Variants in NRG3 observed in about 807,000 individuals in gnomAD.
NRG3 encodes pro-neuregulin-3, membrane-bound isoform.
In NRG3, 31 loss-of-function variants were observed where a neutral mutation model predicts 66.9. The observed-to-expected ratio is 0.46, with a 90% CI of 0.35 to 0.63. The LOEUF (loss-of-function observed/expected upper bound fraction) is 0.63, where lower values mean the gene tolerates loss of function less well. Among genes scored for constraint, NRG3 ranks in the 20% least tolerant of loss-of-function variants. NRG3 has a pLI of 0.00. For missense variants in NRG3, 910 were observed against 878.9 expected (o/e 1.04, Z -0.45); for synonymous variants, 393 against 359.4 (o/e 1.09, Z -1.06).
intron 3 of NRG3, among the ~76,000 whole-genome samples, chr10:82,767,693 C>G (rs1161552556): frequency 6.6e-6 from 1 of 151,898 alleles, no homozygotes; most frequent in African/African-American, 2.4e-5. Flanking sequence ...TTCATATATT[C>G]CTAGTCTTTT....
At chr10:82,111,239 T>A (rs375542246) in intron 1 of NRG3, among the ~76,000 whole-genome samples, 1 of 152,190 alleles carries the variant, frequency 6.6e-6, no homozygotes, top group African/African-American at 2.4e-5. Flanking sequence ...TTCTTGAACA[T>A]CTTATCACTT....
chr10:82,273,983 A>T (rs750675929), intron 1 of NRG3, among the ~76,000 whole-genome samples: 2 of 151,940 alleles, frequency 1.3e-5, no homozygotes, highest in African/African-American at 4.8e-5. Context: ...CTATGCTTCT[A>T]TTTGGAAGAG....
At chr10:82,823,379 G>A (rs2062038388) in intron 3 of NRG3, among the ~76,000 whole-genome samples, 1 of 152,148 alleles carries the variant, frequency 6.6e-6, no homozygotes, top group Non-Finnish European at 1.5e-5. Flanking sequence ...CCAGGATATG[G>A]GATTCTGAAG....
At position 82,264,432 on chromosome 10, in the gene NRG3, TTATC is replaced by T. The variant is rs559070174; in HGVS notation, c.824-94305_824-94302del. Among the ~76,000 whole-genome samples, 12 of 149,870 alleles carry T rather than the reference TTATC, an allele frequency of 8.0e-5. No homozygotes were observed. The East Asian group carries it at 2.4e-3, about 31-fold the overall frequency. ...CCCACTCCCGCCCCGCCCGATTCAA[TTATC>T]TCCACCCGGTCCTGCCCTTGACACA... On this transcript the variant is annotated intron_variant, in intron 1 of 8. Transcript: ENST00000372141.
chr10:82,638,381 A>G (rs562274259), intron 2 of NRG3, among the ~76,000 whole-genome samples: 1 of 152,142 alleles, frequency 6.6e-6, no homozygotes. Flanking sequence ...AAATGTAAAT[A>G]CTCATGAAAA....
intron 1 of NRG3, among the ~76,000 whole-genome samples, chr10:81,956,154 C>A (rs932631735): frequency 6.6e-6 from 1 of 152,124 alleles, no homozygotes; most frequent in African/African-American, 2.4e-5. Context: ...TGACTGTCCC[C>A]ACCAATAGAA....
intron 2 of NRG3, among the ~76,000 whole-genome samples, chr10:82,550,035 G>T (rs759485135): frequency 6.6e-6 from 1 of 152,054 alleles, no homozygotes; most frequent in Non-Finnish European, 1.5e-5. Context: ...CTCATCTAAA[G>T]AAATTTCCCA....
intron 1 of NRG3, among the ~76,000 whole-genome samples, chr10:82,071,508 G>A (rs1196848146): frequency 6.6e-6 from 1 of 152,120 alleles, no homozygotes; most frequent in East Asian, 1.9e-4. Context: ...AAGCCTTGAG[G>A]GGAGAGCATG....
intron 1 of NRG3, among the ~76,000 whole-genome samples, chr10:82,120,445 T>C (rs1360345022): frequency 6.6e-6 from 1 of 152,190 alleles, no homozygotes; most frequent in African/African-American, 2.4e-5. Context: ...AGTTCAGAGA[T>C]AGCTGACTAA....
At chr10:82,244,661 C>T (rs991922695) in intron 1 of NRG3, among the ~76,000 whole-genome samples, 3 of 151,822 alleles carry the variant, frequency 2.0e-5, no homozygotes, top group Admixed American at 1.3e-4. Context: ...TTGTGGGTAA[C>T]AATTTTTTCA....
chr10:82,776,626 AT>A (rs928316541), intron 3 of NRG3, among the ~76,000 whole-genome samples: 8 of 148,126 alleles, frequency 5.4e-5, no homozygotes, highest in East Asian at 2.0e-4. Flanking sequence ...ACTCTTTTTC[AT>A]TTTTTTTCTC....
intron 1 of NRG3, among the ~76,000 whole-genome samples, chr10:82,349,440 G>C (rs1388974306): frequency 2.2e-4 from 33 of 150,714 alleles, no homozygotes; most frequent in African/African-American, 4.4e-4. Flanking sequence ...CTCCAGCTGC[G>C]TACTGGGAGA....
intron 4 of NRG3, among the ~76,000 whole-genome samples, chr10:82,908,775 G>C (rs561077964): frequency 6.6e-6 from 1 of 152,360 alleles, no homozygotes; most frequent in East Asian, 1.9e-4. Flanking sequence ...ATCCCTAGAT[G>C]CTCTCTGTTC....
At chr10:82,189,470 A>G (rs2074004538) in intron 1 of NRG3, among the ~76,000 whole-genome samples, 1 of 151,878 alleles carries the variant, frequency 6.6e-6, no homozygotes, top group Non-Finnish European at 1.5e-5. Flanking sequence ...AGCCTGGCCA[A>G]CATGAGGAAA....
chr10:81,970,347 TA>T (rs1173749649), intron 1 of NRG3, among the ~76,000 whole-genome samples: 2 of 152,332 alleles, frequency 1.3e-5, no homozygotes, highest in East Asian at 3.9e-4. Context: ...TAATCAGTGT[TA>T]AAGGTAGTGA....
intron 1 of NRG3, among the ~76,000 whole-genome samples, chr10:82,331,573 T>C (rs1424706745): frequency 6.6e-6 from 1 of 152,198 alleles, no homozygotes; most frequent in African/African-American, 2.4e-5. Context: ...CATGTTATCA[T>C]ATCTAATGGT....
intron 2 of NRG3, among the ~76,000 whole-genome samples, chr10:82,563,391 T>C (rs534201844): frequency 6.6e-6 from 1 of 152,248 alleles, no homozygotes; most frequent in South Asian, 2.1e-4. Flanking sequence ...AAGAATGTTA[T>C]TAATTTTGCA....
intron 2 of NRG3, among the ~76,000 whole-genome samples, chr10:82,480,848 A>T (rs1165545551): frequency 6.6e-6 from 1 of 152,242 alleles, no homozygotes; most frequent in South Asian, 2.1e-4. Context: ...GTAAACTTGC[A>T]CTTCTACCAT....
chr10:82,289,175 A>G (rs960971676), intron 1 of NRG3, among the ~76,000 whole-genome samples: 2 of 151,946 alleles, frequency 1.3e-5, no homozygotes, highest in African/African-American at 2.4e-5. Context: ...TAGTTTCTAA[A>G]CCTTTGTCTT....
Sources: allele counts gnomAD v4.1 joint callset (sites outside exome capture counted in the v4.1 genomes callset), GRCh38; gene constraint gnomAD v4.1.1; transcripts MANE v1.5; gene names NCBI Gene and HGNC (gene_info 2026-07-23, HGNC 2026-07-21).